Variants in TOX observed in about 807,000 individuals in gnomAD.
The protein encoded by TOX is thymocyte selection-associated high mobility group box protein TOX.
Under a neutral mutation model 53.7 loss-of-function variants are expected in TOX, and 11 were observed. The ratio of observed to expected loss-of-function variants is 0.20; its 90% CI spans 0.13 to 0.34. The LOEUF (loss-of-function observed/expected upper bound fraction) is 0.34, where lower values mean the gene tolerates loss of function less well. Among genes scored for constraint, TOX ranks in the 10% least tolerant of loss-of-function variants. The pLI is 1.00. For missense variants in TOX, 570 were observed against 664.6 expected, an observed-to-expected ratio of 0.86 and a Z score of 1.56; for synonymous variants, 225 against 245.3, an observed-to-expected ratio of 0.92 and a Z score of 0.77.
chr8:58,851,517 T>C lies in TOX; in HGVS notation c.693+7A>G. 5.0e-6 allele frequency: 8 copies of C among 1,611,968 alleles called. No individual in the cohort carries two copies. The highest frequency in any genetic ancestry group is 2.2e-5 in the East Asian group (1 of 44,838). ...TCCCATAGGTCCTAAAAATAACTTA[T>C]TCATACCTTAGAGGTATCATCGCCT... On this transcript the variant is annotated splice_region_variant and intron_variant, in intron 4 of 8. Transcript: ENST00000361421. This position sits in a 1 kb window ranked among gnomAD's most constrained non-coding sequence, Gnocchi z 4.4.
At chr8:59,063,148 T>C (rs1021121364) in intron 1 of TOX, among the ~76,000 whole-genome samples, 7 of 152,184 alleles carry the variant, frequency 4.6e-5, no homozygotes, top group Non-Finnish European at 1.0e-4. Context: ...CATTTCTCAA[T>C]GGAACTACCT....
chr8:59,095,636 G>T (rs1158642888), intron 1 of TOX, among the ~76,000 whole-genome samples: 1 of 152,154 alleles, frequency 6.6e-6, no homozygotes, highest in Non-Finnish European at 1.5e-5. Flanking sequence ...CTGACATCAA[G>T]TGATCCACCT....
intron 1 of TOX, among the ~76,000 whole-genome samples, chr8:59,089,225 C>G (rs1441813821): frequency 6.6e-6 from 1 of 152,214 alleles, no homozygotes; most frequent in Non-Finnish European, 1.5e-5. Context: ...TACGTGTTTA[C>G]AGGTGTATGA....
In TOX at chr8:58,834,644, G is replaced by A. The variant is rs181520150; in HGVS notation, c.924+3437C>T. ...CCAAATGTGCATTTCAGGCAGGCAC[G>A]TTTGCTCTGCCGATGACTCTAGCAA... On this transcript the variant is annotated intron_variant, in intron 5 of 8. Transcript: ENST00000361421. 2.9e-3 allele frequency among the ~76,000 whole-genome samples: 438 copies of A among 152,334 alleles called. 2 individuals are homozygous for A. The highest frequency in any genetic ancestry group is 8.7e-3 in the South Asian group (42 of 4,828).
At chr8:59,087,693 C>T (rs1000149906) in intron 1 of TOX, among the ~76,000 whole-genome samples, 4 of 152,090 alleles carry the variant, frequency 2.6e-5, no homozygotes, top group Admixed American at 2.0e-4. Flanking sequence ...TTAAAATGTT[C>T]GAGATGTTGG....
intron 7 of TOX, among the ~76,000 whole-genome samples, chr8:58,812,146 C>T (rs931145030): frequency 1.3e-5 from 2 of 152,172 alleles, no homozygotes; most frequent in Admixed American, 1.3e-4. Flanking sequence ...TCTGCATCTA[C>T]AGGCTGAAGA....
intron 3 of TOX, among the ~76,000 whole-genome samples, chr8:58,920,634 C>T (rs1435574386): frequency 2.8e-5 from 3 of 106,454 alleles, no homozygotes; most frequent in African/African-American, 3.7e-5. Flanking sequence ...GTGCAGTGCA[C>T]CAGCATGGCA....
intron 1 of TOX, among the ~76,000 whole-genome samples, chr8:58,979,240 G>T (rs1023858368): frequency 6.6e-6 from 1 of 152,054 alleles, no homozygotes; most frequent in African/African-American, 2.4e-5. Context: ...TGAATTTCTG[G>T]GAACATTTCC....
chr8:58,860,484 G>T (rs535886084), intron 3 of TOX, among the ~76,000 whole-genome samples: 352 of 152,316 alleles, frequency 2.3e-3, no homozygotes, highest in Non-Finnish European at 4.2e-3. Flanking sequence ...ACATGACTGT[G>T]AGGATTAACT....
chr8:58,932,937 G>T (rs962623299), intron 3 of TOX, among the ~76,000 whole-genome samples: 13 of 152,066 alleles, frequency 8.5e-5, no homozygotes, highest in Admixed American at 7.9e-4. Flanking sequence ...GGAAAAAGAA[G>T]GCATTTGGGA....
intron 1 of TOX, among the ~76,000 whole-genome samples, chr8:59,008,506 C>T (rs1428549081): frequency 2.6e-5 from 4 of 152,196 alleles, no homozygotes; most frequent in Non-Finnish European, 5.9e-5. Context: ...TGGAAAGGAC[C>T]GGAGGTCCAC....
intron 2 of TOX, among the ~76,000 whole-genome samples, chr8:58,948,816 T>C (rs2129177334): frequency 6.6e-6 from 1 of 152,124 alleles, no homozygotes; most frequent in Admixed American, 6.5e-5. Context: ...CCATGTTAAC[T>C]AGCTTAAAAA....
chr8:58,914,420 C>G (rs1380580396), intron 3 of TOX, among the ~76,000 whole-genome samples: 1 of 152,184 alleles, frequency 6.6e-6, no homozygotes, highest in Admixed American at 6.5e-5. Context: ...GAAGAAATCT[C>G]TAATCATTGC....
intron 3 of TOX, among the ~76,000 whole-genome samples, chr8:58,935,591 G>A (rs960903920): frequency 6.6e-6 from 1 of 152,118 alleles, no homozygotes; most frequent in African/African-American, 2.4e-5. Flanking sequence ...CTTGGAAGGG[G>A]CACTGTCATT....
intron 1 of TOX, among the ~76,000 whole-genome samples, chr8:58,984,522 GT>G (rs1271761574): frequency 6.6e-6 from 1 of 152,122 alleles, no homozygotes; most frequent in Non-Finnish European, 1.5e-5. Context: ...GACGGGCGCG[GT>G]GGCTCACGCC....
intron 3 of TOX, among the ~76,000 whole-genome samples, chr8:58,887,575 A>G (rs1171813899): frequency 6.6e-6 from 1 of 151,882 alleles, no homozygotes; most frequent in Non-Finnish European, 1.5e-5. Flanking sequence ...TGAGTCCATT[A>G]ATTCTCTATA....
chr8:58,813,068 A>G (rs1005348234), intron 7 of TOX, among the ~76,000 whole-genome samples: 3 of 152,250 alleles, frequency 2.0e-5, no homozygotes, highest in South Asian at 2.1e-4. Flanking sequence ...CTCAGCAAGC[A>G]TACTTTTTGG....
intron 1 of TOX, among the ~76,000 whole-genome samples, chr8:59,097,326 C>T (rs544725985): frequency 1.2e-4 from 19 of 152,310 alleles, no homozygotes; most frequent in Admixed American, 3.3e-4. Context: ...ACAGTGTGAG[C>T]TCCTCCGGCA....
intron 1 of TOX, among the ~76,000 whole-genome samples, chr8:59,085,575 A>C (rs1220968727): frequency 6.6e-6 from 1 of 152,108 alleles, no homozygotes; most frequent in African/African-American, 2.4e-5. Context: ...TTTTGTACAG[A>C]CAGAGTCTCC....
Sources: gnomAD v4.1 joint callset for allele counts (sites outside exome capture counted in the v4.1 genomes callset) on GRCh38, gnomAD v4.1.1 for gene constraint, Gnocchi (gnomAD v3.1) non-coding constraint, MANE v1.5 for transcripts, NCBI Gene and HGNC (gene_info 2026-07-23, HGNC 2026-07-21) for gene names.